ERC1: variants seen among roughly 807,000 people sequenced by gnomAD.
ERC1 encodes the protein ELKS/RAB6-interacting/CAST family member 1.
ERC1 carries 56 observed loss-of-function variants against 132.0 expected under a neutral mutation model. That is an observed-to-expected ratio of 0.42 (90% confidence interval 0.34 to 0.53). The LOEUF (loss-of-function observed/expected upper bound fraction) is 0.53. Ranked by LOEUF, ERC1 falls within the 20% of genes least tolerant of loss-of-function variation. The probability of loss-of-function intolerance (pLI) is 0.03; values close to 1 mark genes in which losing one functional copy is unlikely to be tolerated. For missense variants in ERC1, 1,202 were observed against 1,349.9 expected (o/e 0.89, Z 1.72); for synonymous variants, 478 against 476.1 (o/e 1.00, Z -0.05).
At chr12:1,368,558 A>G (rs1441532588) in intron 15 of ERC1, among the ~76,000 whole-genome samples, 2 of 152,164 alleles carry the variant, frequency 1.3e-5, no homozygotes, top group Non-Finnish European at 2.9e-5. Context: ...TAATCAGGTA[A>G]GTCCGACTAT....
At chr12:1,408,009 A>G in intron 16 of ERC1, 140 bp from the exon 17 acceptor site, 1 of 613,496 alleles carries the variant, frequency 1.6e-6, no homozygotes, top group East Asian at 2.8e-5. Context: ...CAGTATCCTC[A>G]GAAATCCCAT....
chr12:1,186,072 C>T (rs2154275024), intron 11 of ERC1, among the ~76,000 whole-genome samples: 1 of 152,324 alleles, frequency 6.6e-6, no homozygotes, highest in African/African-American at 2.4e-5. Context: ...CTCGAAAGTA[C>T]CTCTATTGCT....
chr12:1,225,156 G>A (rs540489930), intron 12 of ERC1, among the ~76,000 whole-genome samples: 1 of 152,026 alleles, frequency 6.6e-6, no homozygotes, highest in African/African-American at 2.4e-5. Context: ...AGTTGATGGA[G>A]GTAGTCATTA....
chr12:1,046,028 G>A (rs1971023517), intron 2 of ERC1, among the ~76,000 whole-genome samples: 2 of 152,074 alleles, frequency 1.3e-5, no homozygotes, highest in African/African-American at 4.8e-5. Context: ...AAGCAGTAGA[G>A]TAATGATTCC....
intron 16 of ERC1, chr12:1,390,954 G>C (rs972865456): frequency 2.0e-5 from 3 of 152,214 alleles, no homozygotes; most frequent in Non-Finnish European, 4.4e-5. Flanking sequence ...TCTAAGAGCT[G>C]TTTCTGACTT....
chr12:1,202,507 A>G (rs1198124481), intron 12 of ERC1, among the ~76,000 whole-genome samples: 3 of 152,002 alleles, frequency 2.0e-5, no homozygotes, highest in African/African-American at 7.3e-5. Context: ...AAATACAAAT[A>G]TTAGCCAGTT....
At chr12:1,003,084 C>T (rs1286425699) in intron 1 of ERC1, among the ~76,000 whole-genome samples, 1 of 77,788 alleles carries the variant, frequency 1.3e-5, no homozygotes, top group Admixed American at 2.3e-4. Context: ...AACCCTATCT[C>T]TATGAAAAAT....
At chr12:1,143,868 C>G (rs1291121450) in intron 8 of ERC1, among the ~76,000 whole-genome samples, 1 of 152,030 alleles carries the variant, frequency 6.6e-6, no homozygotes, top group East Asian at 1.9e-4. Context: ...ATTACATCTT[C>G]TAACTGCTTG....
At chr12:1,298,291 C>G (rs959553551) in intron 15 of ERC1, among the ~76,000 whole-genome samples, 4 of 152,012 alleles carry the variant, frequency 2.6e-5, no homozygotes, top group Admixed American at 2.6e-4. Context: ...CCTGTAATCC[C>G]AGCACTTTGG....
At chr12:1,375,777 C>T (rs1293992447) in intron 16 of ERC1, among the ~76,000 whole-genome samples, 1 of 129,848 alleles carries the variant, frequency 7.7e-6, no homozygotes, top group South Asian at 2.5e-4. Context: ...TTGCTCTGTT[C>T]CCCAGGCTGG....
intron 18 of ERC1, among the ~76,000 whole-genome samples, chr12:1,469,513 G>A (rs1318099570): frequency 6.6e-6 from 1 of 152,248 alleles, no homozygotes; most frequent in Non-Finnish European, 1.5e-5. Context: ...CAGAGTGCTT[G>A]CTGTGGTGTG....
intron 15 of ERC1, among the ~76,000 whole-genome samples, chr12:1,342,421 T>G (rs973779942): frequency 6.7e-5 from 10 of 149,056 alleles, no homozygotes; most frequent in African/African-American, 2.5e-4. Flanking sequence ...GAGCCAAGAT[T>G]GCGCCATCGC....
chr12:1,114,324 A>T (rs1189014180), intron 6 of ERC1, among the ~76,000 whole-genome samples: 1 of 152,072 alleles, frequency 6.6e-6, no homozygotes, highest in Non-Finnish European at 1.5e-5. Context: ...CCCGGCCTAA[A>T]CCCTGCTTTT....
At chr12:1,303,360 G>C (rs2080562279) in intron 15 of ERC1, among the ~76,000 whole-genome samples, 1 of 152,196 alleles carries the variant, frequency 6.6e-6, no homozygotes. Flanking sequence ...TTACCGGCCG[G>C]GCGCCGTGGC....
At chr12:1,396,230 T>A (rs2090531331) in intron 16 of ERC1, among the ~76,000 whole-genome samples, 1 of 152,232 alleles carries the variant, frequency 6.6e-6, no homozygotes, top group Non-Finnish European at 1.5e-5. Context: ...TAACTATATA[T>A]CTATTTTTGT....
At chr12:994,006 T>G (rs1960226891) in intron 1 of ERC1, among the ~76,000 whole-genome samples, 1 of 139,352 alleles carries the variant, frequency 7.2e-6, no homozygotes, top group South Asian at 2.3e-4. Flanking sequence ...GAGGTGGAGC[T>G]TGCAGTGAGC....
At chr12:1,274,772 T>C (rs1015819183) in intron 14 of ERC1, among the ~76,000 whole-genome samples, 4 of 152,174 alleles carry the variant, frequency 2.6e-5, no homozygotes, top group African/African-American at 9.7e-5. Flanking sequence ...ATTACAGGCA[T>C]GAGCCACCGT....
intron 17 of ERC1, among the ~76,000 whole-genome samples, chr12:1,426,281 T>C (rs1318937945): frequency 2.0e-5 from 3 of 152,096 alleles, no homozygotes. Flanking sequence ...AGTTTTGTAT[T>C]CTTAGTAGAG....
chr12:1,484,950 A>G (rs566517221), intron 18 of ERC1, among the ~76,000 whole-genome samples: 5 of 151,338 alleles, frequency 3.3e-5, no homozygotes, highest in Admixed American at 6.6e-5. Context: ...ATACAATCAC[A>G]TAGCTCATTG....
Sources: gnomAD v4.1 joint callset for allele counts (sites outside exome capture counted in the v4.1 genomes callset) on GRCh38, gnomAD v4.1.1 for gene constraint, MANE v1.5 for transcripts, NCBI Gene and HGNC (gene_info 2026-07-23, HGNC 2026-07-21) for gene names.